Variants in KANSL1 observed in about 807,000 individuals in gnomAD.
KANSL1 encodes the protein KAT8 regulatory NSL complex subunit 1, also known as MLL1/MLL complex subunit KANSL1.
A neutral mutation model predicts 103.6 loss-of-function variants in KANSL1; 22 were observed. The observed-to-expected ratio is 0.21, with a 90% CI of 0.15 to 0.30. The LOEUF is 0.30. Ranked by LOEUF, KANSL1 falls within the 10% of genes least tolerant of loss-of-function variation. KANSL1 has a pLI of 1.00. For missense variants in KANSL1, 1,337 were observed against 1,399.8 expected (o/e 0.96, Z 0.72); for synonymous variants, 600 against 527.6 (o/e 1.14, Z -1.88).
chr17:46,216,562 G>A (rs2048344680), intron 1 of KANSL1, among the ~76,000 whole-genome samples: 2 of 143,422 alleles, frequency 1.4e-5, no homozygotes, highest in Middle Eastern at 4.3e-3. Context: ...TCACGCCACT[G>A]CACTCCAGCC....
chr17:46,089,766 G>C (rs867591128), intron 3 of KANSL1, among the ~76,000 whole-genome samples: 2 of 152,172 alleles, frequency 1.3e-5, no homozygotes, highest in South Asian at 4.1e-4. Flanking sequence ...GTGTAACCAT[G>C]AACAAACTAC....
intron 1 of KANSL1, among the ~76,000 whole-genome samples, chr17:46,176,925 C>A (rs2732645): frequency 6.6e-6 from 1 of 151,738 alleles, no homozygotes; most frequent in African/African-American, 2.4e-5. Flanking sequence ...CCACTTTTTC[C>A]GAAAAAATTC....
In KANSL1 at chr17:46,183,591, CA is replaced by C. The variant is rs1243358119; in HGVS notation, c.-90+9231del. Among the ~76,000 whole-genome samples the C allele has an allele frequency of 2.2e-5, 3 of 137,538 alleles. No individual in the cohort carries two copies. The Admixed American group carries it at 2.3e-4, about 11-fold the overall frequency. The allele number at this position is 137,538 out of a possible 152,430, so 90.2% of individuals were successfully genotyped here. On this transcript the variant is annotated intron_variant, in intron 1 of 14. Transcript: ENST00000432791. ...GAGAGAGGAGAGAGGAGAGAGGAGA[CA>C]GGGGAGAGGGGAGAGGAGGTGAGAG...
chr17:46,114,871 T>C (rs1346478767), intron 2 of KANSL1, among the ~76,000 whole-genome samples: 3 of 152,228 alleles, frequency 2.0e-5, no homozygotes, highest in African/African-American at 7.2e-5. Context: ...GGTTATGAAT[T>C]ATATCACACG....
At chr17:46,080,443 C>A (rs1428107414) in intron 4 of KANSL1, among the ~76,000 whole-genome samples, 1 of 150,656 alleles carries the variant, frequency 6.6e-6, no homozygotes, top group Non-Finnish European at 1.5e-5. Flanking sequence ...CCCGGGCAAC[C>A]TAATTTTTTT....
upstream of KANSL1, chr17:46,224,453 C>T (rs2048622879): frequency 1.3e-5 from 2 of 149,518 alleles, no homozygotes; most frequent in South Asian, 4.2e-4. Context: ...GTTACTGCTT[C>T]GCTTAAAATG....
intron 6 of KANSL1, among the ~76,000 whole-genome samples, chr17:46,056,058 G>A (rs1051374545): frequency 6.6e-6 from 1 of 152,128 alleles, no homozygotes; most frequent in Admixed American, 6.5e-5. Flanking sequence ...GAGTGCAATG[G>A]TGCGATCTCG....
intron 2 of KANSL1, chr17:46,169,538 T>C (rs528426264): frequency 2.0e-5 from 3 of 152,376 alleles, no homozygotes; most frequent in Admixed American, 6.5e-5. Context: ...CACCTTTTAA[T>C]ACAGTCAAGG....
chr17:46,086,319 A>G (rs1411655304), intron 3 of KANSL1, among the ~76,000 whole-genome samples: 1 of 152,202 alleles, frequency 6.6e-6, no homozygotes, highest in Admixed American at 6.5e-5. Flanking sequence ...ATTCATCGAC[A>G]TAATTTTATA....
chr17:46,155,838 C>T (rs2045395070), intron 2 of KANSL1, among the ~76,000 whole-genome samples: 1 of 152,016 alleles, frequency 6.6e-6, no homozygotes, highest in South Asian at 2.1e-4. Context: ...GAGGCTGACA[C>T]AGGAGGATTA....
intron 2 of KANSL1, among the ~76,000 whole-genome samples, chr17:46,114,173 A>G (rs1455853201): frequency 6.6e-6 from 1 of 152,216 alleles, no homozygotes; most frequent in Non-Finnish European, 1.5e-5. Flanking sequence ...AGCGTGGCCA[A>G]TACGGTGAAA....
chr17:46,073,665 T>C (rs564433970), intron 4 of KANSL1, among the ~76,000 whole-genome samples: 1 of 152,252 alleles, frequency 6.6e-6, no homozygotes, highest in South Asian at 2.1e-4. Flanking sequence ...CAGGGAAGGC[T>C]AGAATTGAAT....
intron 7 of KANSL1, chr17:46,041,785 C>A (rs531471662): frequency 6.6e-6 from 1 of 152,114 alleles, no homozygotes; most frequent in Non-Finnish European, 1.5e-5. Flanking sequence ...CTATTTATTT[C>A]TTCACAGTTA....
At chr17:46,096,311 CTTTTT>C (rs71138525) in intron 2 of KANSL1, among the ~76,000 whole-genome samples, 25 of 76,402 alleles carry the variant, frequency 3.3e-4, no homozygotes, top group Admixed American at 8.7e-4. Flanking sequence ...GCTTTTTTTT[CTTTTT>C]TTTTTTTTTT....
chr17:46,140,859 A>T (rs901462481), intron 2 of KANSL1, among the ~76,000 whole-genome samples: 3 of 152,232 alleles, frequency 2.0e-5, no homozygotes, highest in East Asian at 1.9e-4. Context: ...GGCTATAATT[A>T]AAAAGACAAT....
chr17:46,128,832 T>G (rs1384493040), intron 2 of KANSL1, among the ~76,000 whole-genome samples: 1 of 152,212 alleles, frequency 6.6e-6, no homozygotes, highest in Non-Finnish European at 1.5e-5. Context: ...AGTTTGAATT[T>G]TAGTCTACGT....
chr17:46,164,768 T>C (rs977519449), intron 2 of KANSL1, among the ~76,000 whole-genome samples: 6 of 152,236 alleles, frequency 3.9e-5, no homozygotes, highest in African/African-American at 1.4e-4. Flanking sequence ...AGATAAACAG[T>C]CACATTTCAA....
At chr17:46,168,285 C>T (rs936806383) in intron 2 of KANSL1, among the ~76,000 whole-genome samples, 2 of 152,192 alleles carry the variant, frequency 1.3e-5, no homozygotes, top group East Asian at 1.9e-4. Context: ...AGAGTCAACC[C>T]GGTGATCTTG....
rs551205345 is a variant in KANSL1, at chr17:46,172,331, C to A, written c.-89-99G>T. 2.3e-5 allele frequency: 15 copies of A among 645,804 alleles called. No individual in the cohort carries two copies. The African/African-American group carries it at 2.6e-4, about 11-fold the overall frequency. The allele number at this position is 645,804 out of a possible 1,614,324, so 40.0% of individuals were successfully genotyped here. A position where few individuals can be genotyped will look rare whatever the true frequency, so the allele number is the denominator to read the frequency against. On this transcript the variant is annotated intron_variant, in intron 1 of 14. Transcript: ENST00000432791. ...CTACTTGAGGCTGTTGTCTAAACTGCCTCCAGAAAGAAAACACTCTGGAGC... is the reference window on the plus strand; with the variant it reads ...CTACTTGAGGCTGTTGTCTAAACTGACTCCAGAAAGAAAACACTCTGGAGC...
Sources: allele counts gnomAD v4.1 joint callset (sites outside exome capture counted in the v4.1 genomes callset), GRCh38; gene constraint gnomAD v4.1.1; transcripts MANE v1.5; gene names NCBI Gene and HGNC (gene_info 2026-07-23, HGNC 2026-07-21).